DNAI2: variants seen among roughly 807,000 people sequenced by gnomAD.
The protein encoded by DNAI2 is dynein, axonemal, intermediate polypeptide 2.
DNAI2 carries 63 observed loss-of-function variants against 74.7 expected under a neutral mutation model. That is an observed-to-expected ratio of 0.84 (90% CI 0.69 to 1.04). DNAI2 has a LOEUF of 1.04. DNAI2 is among the 50% of genes least tolerant of loss of function. The pLI, the probability that DNAI2 is intolerant of heterozygous loss-of-function variation, is 0.00. For synonymous variants in DNAI2, 289 were observed against 314.9 expected (o/e 0.92, Z 0.87); for missense variants, 688 against 803.2 (o/e 0.86, Z 1.73).
Position 74,314,673 on chromosome 17 carries a change from C to T in DNAI2, c.*140C>T. On this transcript the variant is annotated 3_prime_UTR_variant, in exon 14 of 14. Transcript: ENST00000311014. ...AAGGGTTTCTCCTCCATGATCGACC[C>T]TCCTCGTCCACCTACAAATCAGGAA... 1 of 225,772 alleles carries T rather than the reference C, an allele frequency of 4.4e-6. No individual in the cohort carries two copies. Among genetic ancestry groups the T allele is most frequent in the Non-Finnish European group, 9.1e-6 (1 of 110,472 alleles). 14.0% of individuals were successfully genotyped at this position (225,772 alleles called of 1,614,324 possible).
chr17:74,301,348 C>A (rs892649495), intron 8 of DNAI2, among the ~76,000 whole-genome samples, 180 bp downstream of exon 8: 5 of 152,204 alleles, frequency 3.3e-5, no homozygotes, highest in Admixed American at 6.5e-5. Context: ...CAGGGGGCAG[C>A]AGAGCTTCTC....
chr17:74,291,638 G>A (rs1426453504), intron 6 of DNAI2, among the ~76,000 whole-genome samples: 2 of 152,204 alleles, frequency 1.3e-5, no homozygotes, highest in Non-Finnish European at 2.9e-5. Flanking sequence ...TGTTACTACT[G>A]TAAGTCTAAA....
At chr17:74,313,808 G>A in intron 12 of DNAI2, 1 of 407,300 alleles carries the variant, frequency 2.5e-6, no homozygotes, top group Non-Finnish European at 4.7e-6. Context: ...CCACAGCCCT[G>A]CAAGGTGTCC....
intron 8 of DNAI2, among the ~76,000 whole-genome samples, chr17:74,304,173 C>CT (rs2053034566): frequency 9.0e-6 from 1 of 111,078 alleles, no homozygotes; most frequent in African/African-American, 3.3e-5. Flanking sequence ...TTTCTTTTTT[C>CT]TTTTTCTTTT....
chr17:74,304,151 T>TTTTTC (rs1163682223), intron 8 of DNAI2, among the ~76,000 whole-genome samples: 89 of 151,488 alleles, frequency 5.9e-4, no homozygotes, highest in African/African-American at 2.1e-3. Flanking sequence ...TAGGAGTTCT[T>TTTTTC]TTTTCTTTTC....
intron 2 of DNAI2, among the ~76,000 whole-genome samples, chr17:74,284,607 T>C (rs2051596092): frequency 6.6e-6 from 1 of 151,852 alleles, no homozygotes; most frequent in Non-Finnish European, 1.5e-5. Flanking sequence ...AGAGACGGGG[T>C]TTCACCGTGT....
intron 13 of DNAI2, 31 bp downstream of exon 13, chr17:74,314,302 G>T (rs1411035515): frequency 6.2e-7 from 1 of 1,604,042 alleles, no homozygotes; most frequent in Non-Finnish European, 8.5e-7. Flanking sequence ...GTGGGAGGCT[G>T]AGCTCCGCCT....
In DNAI2 at chr17:74,310,164, G is replaced by A. The variant is rs397515565; in HGVS notation, c.1494+1G>A. The A allele has an allele frequency of 9.3e-6, 15 of 1,613,232 alleles. No homozygotes were observed. The highest frequency in any genetic ancestry group is 1.7e-4 in the Middle Eastern group (1 of 6,060). On this transcript the variant is annotated splice_donor_variant, in intron 11 of 13. Transcript: ENST00000311014. LOFTEE classifies it high-confidence loss of function. The stretch of plus-strand genomic sequence containing the variant: ...GAATGAGAAGAACGTAGCCTCTTCC[G>A]TAAGCACCGGGTGCCTGGGGAAAAT...
intron 2 of DNAI2, among the ~76,000 whole-genome samples, chr17:74,282,364 A>C (rs1222764917): frequency 6.6e-6 from 1 of 152,046 alleles, no homozygotes; most frequent in South Asian, 2.1e-4. Context: ...GCAGTGGTAC[A>C]AACTCGACTT....
At chr17:74,301,970 G>GGAAGGAAA in intron 8 of DNAI2, among the ~76,000 whole-genome samples, 1 of 15,688 alleles carries the variant, frequency 6.4e-5, no homozygotes, top group East Asian at 1.3e-3. Flanking sequence ...AAGGAAAGAA[G>GGAAGGAAA]GAAGGAAGGA....
At chr17:74,301,925 AG>A (rs2052821176) in intron 8 of DNAI2, among the ~76,000 whole-genome samples, 2 of 18,574 alleles carry the variant, frequency 1.1e-4, no homozygotes, top group Admixed American at 3.4e-4. Context: ...GAAGGAAGGA[AG>A]GAAGGAAGGA....
At chr17:74,287,995 A>G (rs2051852055) in intron 4 of DNAI2, among the ~76,000 whole-genome samples, 1 of 151,586 alleles carries the variant, frequency 6.6e-6, no homozygotes, top group Non-Finnish European at 1.5e-5. Flanking sequence ...ATGTGCTGAT[A>G]TGGAGTCATT....
chr17:74,275,805 G>A (rs1011206810), intron 1 of DNAI2, among the ~76,000 whole-genome samples: 3 of 152,000 alleles, frequency 2.0e-5, no homozygotes, highest in Admixed American at 6.6e-5. Flanking sequence ...CACAAGAATC[G>A]CTTGAACTTG....
chr17:74,303,891 C>T (rs374744652), intron 8 of DNAI2, among the ~76,000 whole-genome samples: 4 of 152,086 alleles, frequency 2.6e-5, no homozygotes, highest in East Asian at 1.9e-4. Flanking sequence ...TTTGGGAAGC[C>T]GATGTGTGCA....
chr17:74,307,319 G>A, intron 9 of DNAI2: 1 of 456,118 alleles, frequency 2.2e-6, no homozygotes, highest in Non-Finnish European at 4.4e-6. Flanking sequence ...CGTAGAACCT[G>A]GGTCTCCCTT....
intron 1 of DNAI2, among the ~76,000 whole-genome samples, chr17:74,276,541 A>G (rs1245903909): frequency 6.6e-6 from 1 of 152,098 alleles, no homozygotes; most frequent in South Asian, 2.1e-4. Flanking sequence ...CCCTTTGCTG[A>G]CCTTGCTATT....
At chr17:74,284,970 C>T in intron 2 of DNAI2, 70 bp from the exon 3 acceptor site, 1 of 1,606,176 alleles carries the variant, frequency 6.2e-7, no homozygotes, top group Non-Finnish European at 8.5e-7. Flanking sequence ...TGGGACCTGG[C>T]TTGCAGAAGT....
Position 74,305,211 on chromosome 17 carries a change from T to G in DNAI2, c.988-8T>G. 1 of 1,614,088 alleles carries G rather than the reference T, an allele frequency of 6.2e-7. No individual in the cohort carries two copies. Among genetic ancestry groups the G allele is most frequent in the Non-Finnish European group, 8.5e-7 (1 of 1,179,986 alleles). On this transcript the variant is annotated splice_region_variant and splice_polypyrimidine_tract_variant and intron_variant, in intron 8 of 13. Transcript: ENST00000311014. Reference sequence around the variant, plus strand: ...GAGTCTTCCCCTCCTGTGTCACTCCTTCCACAGCCCACCAAGTTCATGGTG... The same window carrying G: ...GAGTCTTCCCCTCCTGTGTCACTCCGTCCACAGCCCACCAAGTTCATGGTG...
At chr17:74,307,579 G>A (rs891237910) in intron 9 of DNAI2, among the ~76,000 whole-genome samples, 4 of 152,022 alleles carry the variant, frequency 2.6e-5, no homozygotes, top group Non-Finnish European at 5.9e-5. Flanking sequence ...CGAGGCGGGT[G>A]GATCACCTGA....
Sources: allele counts gnomAD v4.1 joint callset (sites outside exome capture counted in the v4.1 genomes callset), GRCh38; gene constraint gnomAD v4.1.1; transcripts MANE v1.5; gene names NCBI Gene and HGNC (gene_info 2026-07-23, HGNC 2026-07-21).